Variants in ANKS6 observed in about 807,000 individuals in gnomAD.
ANKS6 encodes the protein ankyrin repeat and sterile alpha motif domain containing 6, also known as ankyrin repeat and SAM domain-containing protein 6.
In ANKS6, 47 loss-of-function variants were observed where a neutral mutation model predicts 77.9. That is an observed-to-expected ratio of 0.60 (90% CI 0.48 to 0.77). The LOEUF (loss-of-function observed/expected upper bound fraction) is 0.77, where lower values mean the gene tolerates loss of function less well. Among genes scored for constraint, ANKS6 ranks in the 30% least tolerant of loss-of-function variants. ANKS6 has a pLI of 0.00. For missense variants in ANKS6, 1,150 were observed against 1,159.1 expected, an observed-to-expected ratio of 0.99 and a Z score of 0.11; for synonymous variants, 488 against 501.7, an observed-to-expected ratio of 0.97 and a Z score of 0.37.
rs1182498380 is a variant in ANKS6 at position 98,778,282 on chromosome 9, T to G, written c.1511A>C (p.Gln504Pro). Residue 504 changes from glutamine to proline, a missense_variant, in exon 7 of 15, where the codon CAG (glutamine) becomes CCG (proline). Coordinates refer to ENST00000353234, the MANE Select transcript of ANKS6 (RefSeq NM_173551.5). ...GAGTGCAGAGCGGCTTGTCTTGTCC[T>G]GGGGGGCAGCCCTCATTGTGGAGTC... ...ALDSTMRAAP[Q>P]DKTSRSALPD... 3 of 1,613,946 alleles carry G rather than the reference T, an allele frequency of 1.9e-6. No individual in the cohort carries two copies. Among genetic ancestry groups the G allele is most frequent in the Non-Finnish European group, 2.5e-6 (3 of 1,179,994 alleles).
At chr9:98,743,300 C>T (rs1299769137) in intron 14 of ANKS6, among the ~76,000 whole-genome samples, 1 of 151,888 alleles carries the variant, frequency 6.6e-6, no homozygotes, top group Non-Finnish European at 1.5e-5. Context: ...CCCACCTCCC[C>T]TCCCCAAAGC....
At position 98,734,165 on chromosome 9, in the gene ANKS6, AC is replaced by A. The variant is rs1389519460; in HGVS notation, c.*2353del. The A allele has an allele frequency of 1.0e-6, 1 of 985,340 alleles. No individual in the cohort carries two copies. The highest frequency in any genetic ancestry group is 1.2e-6 in the Non-Finnish European group (1 of 829,974). The allele number at this position is 985,340 out of a possible 1,614,324, so 61.0% of individuals were successfully genotyped here. A position where few individuals can be genotyped will look rare whatever the true frequency, so the allele number is the denominator to read the frequency against. On this transcript the variant is annotated 3_prime_UTR_variant, in exon 15 of 15. Transcript: ENST00000353234. ...AAAGGGTGCCAGGGACCTCTTGTGA[AC>A]CAGCACACAAACTTCCTAGGATGAA...
chr9:98,784,342 G>A (rs1055679636), intron 3 of ANKS6, 185 bp from the exon 4 acceptor site: 16 of 511,426 alleles, frequency 3.1e-5, no homozygotes, highest in South Asian at 2.5e-4. Context: ...CAGTCTAGGC[G>A]AGACAGAGAC....
chr9:98,773,320 G>A (rs1833740235), intron 9 of ANKS6, among the ~76,000 whole-genome samples: 1 of 152,164 alleles, frequency 6.6e-6, no homozygotes, highest in African/African-American at 2.4e-5. Flanking sequence ...CCTTCGTCTT[G>A]CCCATTTGCT....
At chr9:98,772,692 G>A (rs956338626) in intron 9 of ANKS6, among the ~76,000 whole-genome samples, 2 of 152,166 alleles carry the variant, frequency 1.3e-5, no homozygotes, top group Non-Finnish European at 2.9e-5. Context: ...GAACACACTT[G>A]CAAAGGCCAT....
rs1271564154 is a variant in ANKS6, at chr9:98,758,555, G to A, written c.2143-1952C>T. ...TGCTTCTAGGTCCTCAAAGTGGACA[G>A]AGCAAAGACATATATACACTAACCG... On this transcript the variant is annotated intron_variant, in intron 11 of 14. Coordinates refer to ENST00000353234, the MANE Select transcript of ANKS6 (RefSeq NM_173551.5). Among the ~76,000 whole-genome samples the A allele has an allele frequency of 3.3e-5, 5 of 152,144 alleles. No individual in the cohort carries two copies. The East Asian group carries it at 7.7e-4, about 23-fold the overall frequency.
chr9:98,744,774 C>T (rs926414060), intron 14 of ANKS6, among the ~76,000 whole-genome samples: 1 of 151,900 alleles, frequency 6.6e-6, no homozygotes, highest in African/African-American at 2.4e-5. Context: ...AGCAAAATTC[C>T]AGGCATGAGA....
In ANKS6 at chr9:98,733,309, G is replaced by C; in HGVS notation, c.*3210C>G. 1.0e-6 allele frequency: 1 copy of C among 985,502 alleles called. No individual in the cohort carries two copies. Among genetic ancestry groups the C allele is most frequent in the Non-Finnish European group, 1.2e-6 (1 of 830,002 alleles). 61.0% of individuals were successfully genotyped at this position (985,502 alleles called of 1,614,324 possible). A position where few individuals can be genotyped will look rare whatever the true frequency, so the allele number is the denominator to read the frequency against. On this transcript the variant is annotated 3_prime_UTR_variant, in exon 15 of 15. Coordinates refer to ENST00000353234, the MANE Select transcript of ANKS6 (RefSeq NM_173551.5). The stretch of plus-strand genomic sequence containing the variant: ...AGCCCTCCGTGGCCAGCAGGGACTT[G>C]GACATCCAGCACTCACGACACACCA...
chr9:98,767,736 G>A (rs1408660076), intron 11 of ANKS6, among the ~76,000 whole-genome samples: 2 of 152,220 alleles, frequency 1.3e-5, no homozygotes, highest in Non-Finnish European at 2.9e-5. Flanking sequence ...GCTGAACCCA[G>A]GCAGGTTGCT....
intron 8 of ANKS6, among the ~76,000 whole-genome samples, chr9:98,774,395 A>T (rs1196986397): frequency 6.6e-6 from 1 of 152,128 alleles, no homozygotes; most frequent in Non-Finnish European, 1.5e-5. Flanking sequence ...CTGGGAGAAC[A>T]CAGAGGAGGG....
Position 98,796,155 on chromosome 9 carries a change from T to C in ANKS6, c.337A>G (p.Ser113Gly), listed in dbSNP as rs560209406. ...SVNSRNHYGW[S>G]ALMQAARFGH... ...CACCTGGCCGCCTGCATGAGCGCGC[T>C]CCAGCCGTAGTGGTTGCGGCTGTTG... The change falls in exon 1 of 15, where the codon AGC becomes GGC. Residue 113 changes from serine to glycine, a missense_variant. Ser to Gly is a moderately conservative substitution (Grantham distance 56). Coordinates refer to ENST00000353234, the MANE Select transcript of ANKS6 (RefSeq NM_173551.5). 2 of 1,403,128 alleles carry C rather than the reference T, an allele frequency of 1.4e-6. No individual in the cohort carries two copies. Among genetic ancestry groups the C allele is most frequent in the Non-Finnish European group, 1.9e-6 (2 of 1,078,354 alleles). 86.9% of individuals were successfully genotyped at this position (1,403,128 alleles called of 1,614,324 possible). A position where few individuals can be genotyped will look rare whatever the true frequency, so the allele number is the denominator to read the frequency against.
chr9:98,777,528 G>T (rs1380033426), intron 7 of ANKS6, 74 bp from the exon 8 acceptor site: 1 of 1,448,078 alleles, frequency 6.9e-7, no homozygotes, highest in African/African-American at 1.4e-5. Context: ...GACTGGGGCA[G>T]GCTTCAACCT....
chr9:98,770,860 C>T, intron 10 of ANKS6, 36 bp downstream of exon 10: 2 of 1,399,306 alleles, frequency 1.4e-6, no homozygotes, highest in South Asian at 3.7e-5. Flanking sequence ...CAAGGGATCA[C>T]CCCACCTCCC....
At position 98,732,635 on chromosome 9, in the gene ANKS6, C is replaced by A. The variant is rs1241509789; in HGVS notation, c.*3884G>T. The A allele has an allele frequency of 6.5e-7, 1 of 1,545,766 alleles. No individual in the cohort carries two copies. Among genetic ancestry groups the A allele is most frequent in the Non-Finnish European group, 8.7e-7 (1 of 1,145,486 alleles). On this transcript the variant is annotated 3_prime_UTR_variant, in exon 15 of 15. Coordinates refer to ENST00000353234, the MANE Select transcript of ANKS6 (RefSeq NM_173551.5). ...ATGGGCAACCATCTTTGAGGTTTCC[C>A]ACATCTGCACCGCTCCACAGTGTGA... is the stretch of plus-strand genomic sequence containing the variant.
intron 12 of ANKS6, among the ~76,000 whole-genome samples, 183 bp downstream of exon 12, chr9:98,756,237 T>C (rs1040195773): frequency 8.5e-5 from 13 of 152,206 alleles, no homozygotes; most frequent in Non-Finnish European, 1.8e-4. Flanking sequence ...TTACCATACC[T>C]TTAGCATAGT....
intron 10 of ANKS6, 69 bp downstream of exon 10, chr9:98,770,827 C>A (rs1337338966): frequency 2.3e-6 from 3 of 1,282,032 alleles, no homozygotes; most frequent in Non-Finnish European, 3.0e-6. Flanking sequence ...CCTGAATATC[C>A]AGGCAGTGCA....
At chr9:98,755,281 G>T (rs552722530) in intron 12 of ANKS6, among the ~76,000 whole-genome samples, 10 of 152,116 alleles carry the variant, frequency 6.6e-5, no homozygotes, top group African/African-American at 2.4e-4. Context: ...TGAGGGCCAC[G>T]AACACAATCA....
intron 13 of ANKS6, 63 bp from the exon 14 acceptor site, chr9:98,745,738 C>T: frequency 8.0e-7 from 1 of 1,250,150 alleles, no homozygotes; most frequent in Non-Finnish European, 1.2e-6. Flanking sequence ...CCAGTCACAA[C>T]AGCAATCTCA....
rs148266757 is a variant in ANKS6, at chr9:98,782,080, C to T, written c.1219+387G>A. Among the ~76,000 whole-genome samples, 8 of 152,308 alleles carry T rather than the reference C, an allele frequency of 5.3e-5. No individual in the cohort carries two copies. In the East Asian group the frequency reaches 1.4e-3, roughly 26 times the overall value. ...TACACAATTAAGCTGAGAAGGCCATCGCTCTATCTCCCATTCTGCTTATCA... is the reference window on the plus strand; with the variant it reads ...TACACAATTAAGCTGAGAAGGCCATTGCTCTATCTCCCATTCTGCTTATCA... On this transcript the variant is annotated intron_variant, in intron 5 of 14. Transcript: ENST00000353234.
Sources: allele counts gnomAD v4.1 joint callset (sites outside exome capture counted in the v4.1 genomes callset), GRCh38; gene constraint gnomAD v4.1.1; transcripts MANE v1.5; gene names NCBI Gene and HGNC (gene_info 2026-07-23, HGNC 2026-07-21).